Variants in SPIN1 observed in about 807,000 individuals in gnomAD.
The protein encoded by SPIN1 is spindlin 1, also known as spindlin-1.
Under a neutral mutation model 26.0 loss-of-function variants are expected in SPIN1, and 3 were observed. The ratio of observed to expected loss-of-function variants is 0.12; its 90% CI spans 0.05 to 0.30. The LOEUF (loss-of-function observed/expected upper bound fraction) is 0.30, where lower values mean the gene tolerates loss of function less well. SPIN1 is among the 10% of genes least tolerant of loss of function. SPIN1 has a pLI of 1.00. For synonymous variants in SPIN1, 101 were observed against 116.5 expected, an observed-to-expected ratio of 0.87 and a Z score of 0.86; for missense variants, 126 against 333.4, an observed-to-expected ratio of 0.38 and a Z score of 4.84.
In SPIN1 at chr9:88,476,097, AT is replaced by A. The variant is rs1564049041; in HGVS notation, c.*824del. 1.3e-5 allele frequency: 2 copies of A among 151,652 alleles called. No individual in the cohort carries two copies. Among genetic ancestry groups the A allele is most frequent in the African/African-American group, 4.9e-5 (2 of 41,154 alleles). 9.4% of individuals were successfully genotyped at this position (151,652 alleles called of 1,614,324 possible). A position where few individuals can be genotyped will look rare whatever the true frequency, so the allele number is the denominator to read the frequency against. On this transcript the variant is annotated 3_prime_UTR_variant, in exon 6 of 6. Transcript: ENST00000375859. The stretch of plus-strand genomic sequence containing the variant: ...TCATTTTTTTTTGGGGGGGGGTTAC[AT>A]TTTAATCATAAATTCTTTTTTGCAA...
chr9:88,475,416 G>T lies in SPIN1; in HGVS notation c.*139G>T, dbSNP rs1187718709. 1 of 803,572 alleles carries T rather than the reference G, an allele frequency of 1.2e-6. No homozygotes were observed. Among genetic ancestry groups the T allele is most frequent in the Non-Finnish European group, 2.0e-6 (1 of 509,536 alleles). 49.8% of individuals were successfully genotyped at this position (803,572 alleles called of 1,614,324 possible). The stretch of plus-strand genomic sequence containing the variant: ...AATCTCTGCCAGCAGAACTGGTTTT[G>T]TTCTGAATAGTACAGATTGATGTGA... On this transcript the variant is annotated 3_prime_UTR_variant, in exon 6 of 6. Transcript: ENST00000375859.
In SPIN1 at chr9:88,391,284, C is replaced by A. The variant is rs183934953; in HGVS notation, c.-159+2746C>A. 489 of 152,320 alleles carry A rather than the reference C, an allele frequency of 3.2e-3. 1 individual carries two copies. The highest frequency in any genetic ancestry group is 5.5e-3 in the Non-Finnish European group (374 of 68,048). The allele number at this position is 152,320 out of a possible 1,614,324, so 9.4% of individuals were successfully genotyped here. Reference sequence around the variant, plus strand: ...TTTATTAAAATTATTGGTATACAGGCTCTTCTAACATAGATTAGCTTTCTC... The same window carrying A: ...TTTATTAAAATTATTGGTATACAGGATCTTCTAACATAGATTAGCTTTCTC... On this transcript the variant is annotated intron_variant, in intron 1 of 5. Transcript: ENST00000375859.
chr9:88,425,152 A>G (rs989414525), intron 1 of SPIN1, among the ~76,000 whole-genome samples: 6 of 152,096 alleles, frequency 3.9e-5, no homozygotes, highest in African/African-American at 1.4e-4. Context: ...AGGTTTGGGC[A>G]GGCTGGGGGA....
In SPIN1 at chr9:88,465,469, T is replaced by G. The variant is rs567893493; in HGVS notation, c.355+2720T>G. ...CTTAGTCAGCAGTTGCTATTTACTG[T>G]TTTTGTCATAGTGGTCATCCTGATG... On this transcript the variant is annotated intron_variant, in intron 4 of 5. Coordinates refer to ENST00000375859, the MANE Select transcript of SPIN1 (RefSeq NM_006717.3). 5.3e-5 allele frequency among the ~76,000 whole-genome samples: 8 copies of G among 152,188 alleles called. No homozygotes were observed. The South Asian group carries it at 1.7e-3, about 32-fold the overall frequency.
intron 1 of SPIN1, among the ~76,000 whole-genome samples, chr9:88,419,697 A>C (rs1213265803): frequency 2.0e-5 from 3 of 152,238 alleles, no homozygotes; most frequent in Non-Finnish European, 4.4e-5. Flanking sequence ...AGTGAACACT[A>C]ATATTCTCTT....
chr9:88,392,795 G>A (rs1046335967), intron 1 of SPIN1, among the ~76,000 whole-genome samples: 2 of 152,134 alleles, frequency 1.3e-5, no homozygotes, highest in African/African-American at 2.4e-5. Flanking sequence ...TACAGTAAAT[G>A]CCCAGTTGAT....
chr9:88,454,813 A>G (rs1941789809), intron 3 of SPIN1, among the ~76,000 whole-genome samples: 1 of 152,184 alleles, frequency 6.6e-6, no homozygotes, highest in African/African-American at 2.4e-5. Flanking sequence ...CTTCCTTGTG[A>G]ACTTTGGCTG....
chr9:88,398,639 G>A (rs1319009923), intron 1 of SPIN1, among the ~76,000 whole-genome samples: 1 of 151,612 alleles, frequency 6.6e-6, no homozygotes, highest in East Asian at 2.0e-4. Flanking sequence ...GCAATGGCGC[G>A]ATGTTGGCTC....
intron 1 of SPIN1, among the ~76,000 whole-genome samples, chr9:88,407,083 T>C (rs1827326434): frequency 6.6e-6 from 1 of 151,222 alleles, no homozygotes; most frequent in African/African-American, 2.4e-5. Flanking sequence ...GTGTAACTTC[T>C]AGTAGTGAAT....
intron 1 of SPIN1, among the ~76,000 whole-genome samples, chr9:88,395,166 A>G (rs878873386): frequency 1.3e-5 from 2 of 152,028 alleles, no homozygotes; most frequent in Non-Finnish European, 2.9e-5. Context: ...TAGTTAAAAA[A>G]TCTGATCTGT....
intron 2 of SPIN1, among the ~76,000 whole-genome samples, 163 bp downstream of exon 2, chr9:88,426,754 TGAAAGG>T (rs959958974): frequency 6.6e-6 from 1 of 152,230 alleles, no homozygotes; most frequent in Admixed American, 6.5e-5. Context: ...TTAAGTTTCT[TGAAAGG>T]GAAGTAGTCA....
At chr9:88,472,493 T>TTTTA (rs768928072) in intron 5 of SPIN1, among the ~76,000 whole-genome samples, 34 of 151,410 alleles carry the variant, frequency 2.2e-4, no homozygotes, top group Non-Finnish European at 4.9e-4. Flanking sequence ...CCTGGCCACT[T>TTTTA]TTTATTTATT....
intron 2 of SPIN1, among the ~76,000 whole-genome samples, chr9:88,435,141 A>G (rs1425765461): frequency 6.6e-6 from 1 of 151,550 alleles, no homozygotes; most frequent in Non-Finnish European, 1.5e-5. Context: ...TCAGATCTTC[A>G]ATTCATGTAT....
At chr9:88,390,143 G>C (rs1826887598) in intron 1 of SPIN1, among the ~76,000 whole-genome samples, 1 of 152,154 alleles carries the variant, frequency 6.6e-6, no homozygotes, top group Non-Finnish European at 1.5e-5. Flanking sequence ...TATGAACTGG[G>C]TCAAGGCAAA....
At chr9:88,422,016 T>C (rs1349728267) in intron 1 of SPIN1, among the ~76,000 whole-genome samples, 1 of 152,170 alleles carries the variant, frequency 6.6e-6, no homozygotes, top group African/African-American at 2.4e-5. Flanking sequence ...TGATGCCAAA[T>C]TGTTTTATCT....
At chr9:88,406,674 C>T (rs1341232580) in intron 1 of SPIN1, among the ~76,000 whole-genome samples, 1 of 152,122 alleles carries the variant, frequency 6.6e-6, no homozygotes, top group Non-Finnish European at 1.5e-5. Context: ...AAGTAACTGA[C>T]GTTTAGTTTC....
At position 88,426,427 on chromosome 9, in the gene SPIN1, A is replaced by T; in HGVS notation, c.-113A>T. ...TTTTTGCTGAACTCGTAAAAGAGAC[A>T]CTTGGATGGTGGATTAACCAGAACA... On this transcript the variant is annotated 5_prime_UTR_variant, in exon 2 of 6. Transcript: ENST00000375859. 1 of 769,338 alleles carries T rather than the reference A, an allele frequency of 1.3e-6. No homozygotes were observed. Among genetic ancestry groups the T allele is most frequent in the Non-Finnish European group, 2.2e-6 (1 of 463,562 alleles). The allele number at this position is 769,338 out of a possible 1,614,324, so 47.7% of individuals were successfully genotyped here. A position where few individuals can be genotyped will look rare whatever the true frequency, so the allele number is the denominator to read the frequency against.
intron 3 of SPIN1, among the ~76,000 whole-genome samples, chr9:88,460,088 T>C (rs1828548366): frequency 6.6e-6 from 1 of 152,210 alleles, no homozygotes; most frequent in Non-Finnish European, 1.5e-5. Flanking sequence ...TCCTGTGGGG[T>C]GCATTAGTAC....
At chr9:88,456,274 TAA>T (rs1301190831) in intron 3 of SPIN1, among the ~76,000 whole-genome samples, 1 of 152,172 alleles carries the variant, frequency 6.6e-6, no homozygotes, top group Non-Finnish European at 1.5e-5. Flanking sequence ...ATCAAAATTC[TAA>T]GTTTTTGTTA....
Sources: allele counts gnomAD v4.1 joint callset (sites outside exome capture counted in the v4.1 genomes callset), GRCh38; gene constraint gnomAD v4.1.1; transcripts MANE v1.5; gene names NCBI Gene and HGNC (gene_info 2026-07-23, HGNC 2026-07-21).